Variants in WIZ observed in about 807,000 individuals in gnomAD.
WIZ encodes the protein protein Wiz.
In WIZ, 25 loss-of-function variants were observed where a neutral mutation model predicts 140.2. That is an observed-to-expected ratio of 0.18 (90% CI 0.13 to 0.25). The LOEUF (loss-of-function observed/expected upper bound fraction) is 0.25. Ranked by LOEUF, WIZ falls within the 10% of genes least tolerant of loss-of-function variation. The probability of loss-of-function intolerance (pLI) is 1.00; values close to 1 mark genes in which losing one functional copy is unlikely to be tolerated. For missense variants in WIZ, 2,231 were observed against 2,632.6 expected, an observed-to-expected ratio of 0.85 and a Z score of 3.34; for synonymous variants, 1,125 against 1,154.3, an observed-to-expected ratio of 0.97 and a Z score of 0.51.
rs764277925 is a variant in WIZ, at chr19:15,424,240, C to T, written c.5453G>A (p.Arg1818Gln). 14 of 1,582,444 alleles carry T rather than the reference C, an allele frequency of 8.8e-6. No homozygotes were observed. Among genetic ancestry groups the T allele is most frequent in the East Asian group, 2.3e-5 (1 of 42,774 alleles). ...RVRPVPSLVP[R>Q]PPQTSLVKFV... ...CTTGACAAGTGATGTCTGGGGGGGC[C>T]GGGGCACCAGGGAGGGGACTGGCCG... Residue 1818 changes from arginine (R) to glutamine (Q), a missense_variant, in exon 12 of 13, where the codon CGG becomes CAG. Transcript: ENST00000673675. This position sits in a 1 kb window ranked among gnomAD's most constrained non-coding sequence, Gnocchi z 9.7.
At chr19:15,446,159 T>G (rs1488266341) in intron 2 of WIZ, among the ~76,000 whole-genome samples, 1 of 152,056 alleles carries the variant, frequency 6.6e-6, no homozygotes, top group Non-Finnish European at 1.5e-5. Context: ...GCAGCCACAT[T>G]TCTCTCTTCC....
At chr19:15,441,284 C>T (rs1036677069) in intron 3 of WIZ, among the ~76,000 whole-genome samples, 1 of 145,768 alleles carries the variant, frequency 6.9e-6, no homozygotes, top group Non-Finnish European at 1.5e-5. Context: ...TGATCCTGAC[C>T]TTCTTGGGCA....
At chr19:15,444,260 G>A (rs1969842366) in intron 2 of WIZ, among the ~76,000 whole-genome samples, 1 of 152,166 alleles carries the variant, frequency 6.6e-6, no homozygotes, top group Non-Finnish European at 1.5e-5. Flanking sequence ...GGTAGGGTGG[G>A]GAGAGGGTGT....
chr19:15,423,832 G>C (rs1968533585), intron 12 of WIZ, among the ~76,000 whole-genome samples: 1 of 152,214 alleles, frequency 6.6e-6, no homozygotes, highest in African/African-American at 2.4e-5. Context: ...CTTACCATGT[G>C]CCAGGCAGTT....
chr19:15,425,956 G>T (rs1968796734), intron 9 of WIZ, among the ~76,000 whole-genome samples, 188 bp from the exon 10 acceptor site: 1 of 150,258 alleles, frequency 6.7e-6, no homozygotes. Flanking sequence ...CAAGCTCAAA[G>T]CCCCCGTATC....
intron 5 of WIZ, among the ~76,000 whole-genome samples, chr19:15,434,320 G>A (rs575921447): frequency 6.6e-6 from 1 of 151,106 alleles, no homozygotes; most frequent in East Asian, 1.9e-4. Flanking sequence ...CTAGCACTTT[G>A]GGAGGCCGAG....
chr19:15,426,125 CT>C (rs1029622240), intron 9 of WIZ, among the ~76,000 whole-genome samples: 1 of 151,850 alleles, frequency 6.6e-6, no homozygotes, highest in African/African-American at 2.4e-5. Flanking sequence ...CTGTATGATC[CT>C]GGGCAAGTCA....
chr19:15,431,628 G>A (rs1969246294), intron 5 of WIZ, among the ~76,000 whole-genome samples: 1 of 152,238 alleles, frequency 6.6e-6, no homozygotes, highest in African/African-American at 2.4e-5. Flanking sequence ...GGGACAGGGA[G>A]GTGGCTTCAC....
Position 15,442,102 on chromosome 19 carries a change from G to A in WIZ, c.278+574C>T, listed in dbSNP as rs1413124584. Reference sequence around the variant, plus strand: ...CTGGGGAAGCTGAGGCAGGAGAATCGCTTGAACCCAGGAGGTGGAGGTTGC... The same window carrying A: ...CTGGGGAAGCTGAGGCAGGAGAATCACTTGAACCCAGGAGGTGGAGGTTGC... On this transcript the variant is annotated intron_variant, in intron 3 of 12. Coordinates refer to ENST00000673675, the MANE Select transcript of WIZ (RefSeq NM_001371589.1). This position sits in a 1 kb window ranked among gnomAD's most constrained non-coding sequence, Gnocchi z 5.5. Among the ~76,000 whole-genome samples the A allele has an allele frequency of 4.0e-5, 6 of 151,716 alleles. No homozygotes were observed. The highest frequency in any genetic ancestry group is 7.4e-5 in the Non-Finnish European group (5 of 67,978).
rs1302466846 is a variant in WIZ, at chr19:15,428,949, A to C, written c.3416-441T>G. 6.6e-6 allele frequency among the ~76,000 whole-genome samples: 1 copy of C among 152,180 alleles called. No individual in the cohort carries two copies. The highest frequency in any genetic ancestry group is 1.5e-5 in the Non-Finnish European group (1 of 68,022). ...GGGGGGCTCCATTGGGCAGGGGGTG[A>C]GACCCTGGGGTCACCCCCAGACTCT... is the stretch of plus-strand genomic sequence containing the variant. On this transcript the variant is annotated intron_variant, in intron 7 of 12. Transcript: ENST00000673675. This position sits in a 1 kb window ranked among gnomAD's most constrained non-coding sequence, Gnocchi z 6.4.
chr19:15,422,414 G>A lies in WIZ; in HGVS notation c.*662C>T, dbSNP rs1403110437. Reference sequence around the variant, plus strand: ...CTCTTTGGGGGGCCTTGACATGGCAGGAGGCAGCTGTCAGCTCTGAGCTCT... The same window carrying A: ...CTCTTTGGGGGGCCTTGACATGGCAAGAGGCAGCTGTCAGCTCTGAGCTCT... On this transcript the variant is annotated 3_prime_UTR_variant, in exon 13 of 13. Transcript: ENST00000673675. The A allele has an allele frequency of 1.3e-5, 2 of 152,028 alleles. No individual in the cohort carries two copies. The highest frequency in any genetic ancestry group is 2.9e-5 in the Non-Finnish European group (2 of 68,006). The allele number at this position is 152,028 out of a possible 1,614,324, so 9.4% of individuals were successfully genotyped here. A position where few individuals can be genotyped will look rare whatever the true frequency, so the allele number is the denominator to read the frequency against.
chr19:15,447,951 A>T, intron 2 of WIZ, 152 bp downstream of exon 2: 1 of 895,268 alleles, frequency 1.1e-6, no homozygotes, highest in Non-Finnish European at 1.7e-6. Flanking sequence ...ACTGTCAAAT[A>T]AGAAACTAAA....
At position 15,422,776 on chromosome 19, in the gene WIZ, C is replaced by A. The variant is rs1037621010; in HGVS notation, c.*300G>T. The A allele has an allele frequency of 6.4e-5, 29 of 454,130 alleles. No individual in the cohort carries two copies. Among genetic ancestry groups the A allele is most frequent in the Non-Finnish European group, 6.3e-5 (16 of 253,096 alleles). The allele number at this position is 454,130 out of a possible 1,614,324, so 28.1% of individuals were successfully genotyped here. ...TGCCTGGCTGCTAGACGGGGGAGTG[C>A]TGTCCTCCCCTGTGACCAGACCGGC... On this transcript the variant is annotated 3_prime_UTR_variant, in exon 13 of 13. Coordinates refer to ENST00000673675, the MANE Select transcript of WIZ (RefSeq NM_001371589.1).
chr19:15,445,398 G>A (rs779125555), intron 2 of WIZ, among the ~76,000 whole-genome samples: 1 of 152,188 alleles, frequency 6.6e-6, no homozygotes, highest in Non-Finnish European at 1.5e-5. Flanking sequence ...AGTCTCGCAG[G>A]GCCAGCAATG....
In WIZ at chr19:15,422,938, C is replaced by T. The variant is rs1220278567; in HGVS notation, c.*138G>A. On this transcript the variant is annotated 3_prime_UTR_variant, in exon 13 of 13. Coordinates refer to ENST00000673675, the MANE Select transcript of WIZ (RefSeq NM_001371589.1). Reference sequence around the variant, plus strand: ...CCCGGCGCCCTGGCTGTAGTGTGCCCGGCCCCCAAGGGGCGCCGGTTTGAG... The same window carrying T: ...CCCGGCGCCCTGGCTGTAGTGTGCCTGGCCCCCAAGGGGCGCCGGTTTGAG... 8.2e-6 allele frequency: 11 copies of T among 1,338,998 alleles called. No homozygotes were observed. Among genetic ancestry groups the T allele is most frequent in the East Asian group, 5.1e-5 (2 of 39,548 alleles). The allele number at this position is 1,338,998 out of a possible 1,614,324, so 82.9% of individuals were successfully genotyped here.
chr19:15,448,354 G>C lies in WIZ; in HGVS notation c.-47C>G, dbSNP rs753467254. On this transcript the variant is annotated 5_prime_UTR_variant, in exon 2 of 13. Transcript: ENST00000673675. ...CACTCAGCTGCTGCACCGGCTCAGC[G>C]GGGCATTGTGGGCCTGGGGATAGAG... 3.8e-6 allele frequency: 6 copies of C among 1,598,168 alleles called. No homozygotes were observed. The highest frequency in any genetic ancestry group is 3.4e-6 in the Non-Finnish European group (4 of 1,174,984).
Position 15,429,805 on chromosome 19 carries a change from C to A in WIZ, c.3196G>T (p.Ala1066Ser). Residue 1066 changes from alanine (A) to serine (S), a missense_variant, in exon 7 of 13, where the codon GCT (alanine) becomes TCT (serine). Coordinates refer to ENST00000673675, the MANE Select transcript of WIZ (RefSeq NM_001371589.1). ...LSLAKPLDAP[A>S]VNKAIKSPPG... ...GGCGACTTGATGGCTTTGTTGACAG[C>A]AGGGGCATCCAAGGGCTTGGCCAGG... is the stretch of plus-strand genomic sequence containing the variant. The A allele has an allele frequency of 6.6e-7, 1 of 1,526,182 alleles. No homozygotes were observed. The highest frequency in any genetic ancestry group is 8.8e-7 in the Non-Finnish European group (1 of 1,140,294). 94.5% of individuals were successfully genotyped at this position (1,526,182 alleles called of 1,614,324 possible). A position where few individuals can be genotyped will look rare whatever the true frequency, so the allele number is the denominator to read the frequency against.
At chr19:15,435,799 G>A (rs1032172693) in intron 5 of WIZ, among the ~76,000 whole-genome samples, 1 of 151,948 alleles carries the variant, frequency 6.6e-6, no homozygotes, top group African/African-American at 2.4e-5. Context: ...TCCAGCCTGG[G>A]TGGCAGAGTG....
In WIZ at chr19:15,427,607, C is replaced by A. The variant is rs1352659945; in HGVS notation, c.3815-74G>T. ...TGGTCACCTGCAGGAGTGTCCTGGT[C>A]GGCTGGGCGTGGGCGGCAGCAGCAC... On this transcript the variant is annotated intron_variant, in intron 8 of 12. Transcript: ENST00000673675. The surrounding 1 kb of genome is among the most constrained non-coding windows in gnomAD (Gnocchi z 6.4). 6.0e-6 allele frequency: 9 copies of A among 1,499,164 alleles called. No homozygotes were observed. The highest frequency in any genetic ancestry group is 8.9e-7 in the Non-Finnish European group (1 of 1,121,556). 92.9% of individuals were successfully genotyped at this position (1,499,164 alleles called of 1,614,324 possible).
Sources: gnomAD v4.1 joint callset for allele counts (sites outside exome capture counted in the v4.1 genomes callset) on GRCh38, gnomAD v4.1.1 for gene constraint, Gnocchi (gnomAD v3.1) non-coding constraint, MANE v1.5 for transcripts, NCBI Gene and HGNC (gene_info 2026-07-23, HGNC 2026-07-21) for gene names.